Variants in NEDD9 observed in about 807,000 individuals in gnomAD.
NEDD9 encodes the protein neural precursor cell expressed, developmentally down-regulated 9, also known as enhancer of filamentation 1.
A neutral mutation model predicts 76.6 loss-of-function variants in NEDD9; 26 were observed. The observed-to-expected ratio is 0.34, with a 90% CI of 0.25 to 0.47. The LOEUF is 0.47. Ranked by LOEUF, NEDD9 falls within the 20% of genes least tolerant of loss-of-function variation. The pLI, the probability that NEDD9 is intolerant of heterozygous loss-of-function variation, is 1.00. For synonymous variants in NEDD9, 392 were observed against 414.2 expected (o/e 0.95, Z 0.65); for missense variants, 937 against 1,058.5 (o/e 0.89, Z 1.59).
At chr6:11,296,679 C>CCCTTCCCTT (rs1760900822) in intron 3 of NEDD9, among the ~76,000 whole-genome samples, 1 of 92,856 alleles carries the variant, frequency 1.1e-5, no homozygotes, top group African/African-American at 4.9e-5. Context: ...CCTTTCCTTT[C>CCCTTCCCTT]CCTTCCTTCC....
rs1759708100 is a variant in NEDD9, at chr6:11,241,596, T to C, written c.13-27869A>G. ...CATCTTCCACACCAGCCATCCAGCA[T>C]AGCTCCGGGGGCGGAGGTAGGGACA... On this transcript the variant is annotated intron_variant, in intron 3 of 3. Transcript: ENST00000397378. The surrounding 1 kb of genome is among the most constrained non-coding windows in gnomAD (Gnocchi z 4.0). Among the ~76,000 whole-genome samples the C allele has an allele frequency of 1.3e-5, 2 of 152,154 alleles. No homozygotes were observed. The highest frequency in any genetic ancestry group is 6.5e-5 in the Admixed American group (1 of 15,272).
At chr6:11,355,968 A>G (rs201461284) in intron 1 of NEDD9, among the ~76,000 whole-genome samples, 2,506 of 151,968 alleles carry the variant, frequency 0.016, 60 homozygotes, top group East Asian at 0.059. Context: ...TGATCTGCCC[A>G]CCTTGGCCTC....
chr6:11,350,798 C>T (rs562871712), intron 1 of NEDD9, among the ~76,000 whole-genome samples: 21 of 152,032 alleles, frequency 1.4e-4, no homozygotes, highest in African/African-American at 1.9e-4. Flanking sequence ...AGCAAGTGGT[C>T]GGGATGCCCT....
chr6:11,251,405 A>G (rs1050153190), intron 3 of NEDD9: 22 of 152,256 alleles, frequency 1.4e-4, no homozygotes, highest in African/African-American at 4.8e-4. Flanking sequence ...GCATAAATCC[A>G]TACTGCAGAG....
At chr6:11,291,025 G>A in intron 3 of NEDD9, among the ~76,000 whole-genome samples, 1 of 152,092 alleles carries the variant, frequency 6.6e-6, no homozygotes, top group East Asian at 1.9e-4. Flanking sequence ...CATGCTGGAA[G>A]TGAAAGGCCC....
intron 1 of NEDD9, among the ~76,000 whole-genome samples, chr6:11,338,586 C>T (rs1762210868): frequency 1.3e-5 from 2 of 152,066 alleles, no homozygotes; most frequent in Non-Finnish European, 2.9e-5. Context: ...GATTCTGGAG[C>T]CCTTTGCAAA....
At chr6:11,363,574 G>T (rs1762714323) in intron 1 of NEDD9, among the ~76,000 whole-genome samples, 1 of 152,148 alleles carries the variant, frequency 6.6e-6, no homozygotes, top group South Asian at 2.1e-4. Context: ...ACCTAATGGT[G>T]CTTATAGCTC....
At chr6:11,355,218 A>G (rs116765119) in intron 1 of NEDD9, among the ~76,000 whole-genome samples, 1,969 of 152,330 alleles carry the variant, frequency 0.013, 46 homozygotes, top group African/African-American at 0.045. Context: ...AATACTTACA[A>G]GTATTTCAAA....
At chr6:11,353,950 C>T (rs565484684) in intron 1 of NEDD9, among the ~76,000 whole-genome samples, 8 of 152,264 alleles carry the variant, frequency 5.3e-5, no homozygotes, top group South Asian at 2.1e-4. Flanking sequence ...CATAATTCAA[C>T]GGTCTTGGGG....
intron 3 of NEDD9, among the ~76,000 whole-genome samples, chr6:11,298,684 A>T (rs1408978806): frequency 6.6e-6 from 1 of 152,218 alleles, no homozygotes; most frequent in Admixed American, 6.5e-5. Flanking sequence ...ATTGGTATTT[A>T]TATTGAATGG....
In NEDD9 at chr6:11,359,129, G is replaced by A. The variant is rs774323631; in HGVS notation, c.-214+23010C>T. Among the ~76,000 whole-genome samples, 29 of 152,214 alleles carry A rather than the reference G, an allele frequency of 1.9e-4. 2 individuals are homozygous for A. Among genetic ancestry groups the A allele is most frequent in the Admixed American group, 6.5e-5 (1 of 15,282 alleles). ...TTCTGTTCTCCAGGTGGAGTAGCAAGCTGGCAAGTCCCCCAGAAAGGAAAG... is the reference window on the plus strand; with the variant it reads ...TTCTGTTCTCCAGGTGGAGTAGCAAACTGGCAAGTCCCCCAGAAAGGAAAG... On this transcript the variant is annotated intron_variant, in intron 1 of 3. Coordinates refer to the NEDD9 transcript ENST00000397378.
chr6:11,278,054 G>T (rs1469876199), intron 3 of NEDD9, among the ~76,000 whole-genome samples: 3 of 152,064 alleles, frequency 2.0e-5, no homozygotes, highest in African/African-American at 7.2e-5. Context: ...ATGGGAGTCG[G>T]GTGCTTCCTC....
intron 3 of NEDD9, among the ~76,000 whole-genome samples, chr6:11,280,791 G>A (rs1760520981): frequency 6.6e-6 from 1 of 152,232 alleles, no homozygotes; most frequent in Non-Finnish European, 1.5e-5. Flanking sequence ...CACTAGCCCT[G>A]GCCACTGCAT....
intron 2 of NEDD9, among the ~76,000 whole-genome samples, chr6:11,206,141 G>C (rs369214793): frequency 6.6e-6 from 1 of 152,104 alleles, no homozygotes; most frequent in Non-Finnish European, 1.5e-5. Context: ...CAACCAGGCC[G>C]GGCGTGATGG....
chr6:11,240,655 C>A (rs1053674996), intron 3 of NEDD9, among the ~76,000 whole-genome samples: 2 of 151,880 alleles, frequency 1.3e-5, no homozygotes, highest in Non-Finnish European at 2.9e-5. Context: ...ACCTTTTTTT[C>A]TTCAAAGAAT....
At chr6:11,303,885 G>A (rs1035741079) in intron 3 of NEDD9, among the ~76,000 whole-genome samples, 4 of 152,160 alleles carry the variant, frequency 2.6e-5, no homozygotes, top group Admixed American at 2.6e-4. Flanking sequence ...TACCATTCAG[G>A]ACATAGACAT....
At chr6:11,266,483 C>G (rs1055181068) in intron 3 of NEDD9, among the ~76,000 whole-genome samples, 2 of 152,232 alleles carry the variant, frequency 1.3e-5, no homozygotes, top group South Asian at 2.1e-4. Context: ...GAAAAAGAAG[C>G]CATTATATAC....
chr6:11,195,352 C>G (rs759655763), intron 2 of NEDD9, among the ~76,000 whole-genome samples: 1 of 152,176 alleles, frequency 6.6e-6, no homozygotes, highest in Non-Finnish European at 1.5e-5. Flanking sequence ...TACGGAACCA[C>G]TTTATAGAAT....
chr6:11,308,361 CTTTTTT>C (rs933892327), intron 2 of NEDD9, among the ~76,000 whole-genome samples: 53 of 87,854 alleles, frequency 6.0e-4, no homozygotes, highest in Admixed American at 9.2e-4. Flanking sequence ...GATGGGACAT[CTTTTTT>C]TTTTTTTTTT....
Sources: allele counts gnomAD v4.1 joint callset (sites outside exome capture counted in the v4.1 genomes callset), GRCh38; gene constraint gnomAD v4.1.1; non-coding constraint Gnocchi (gnomAD v3.1); transcripts MANE v1.5; gene names NCBI Gene and HGNC (gene_info 2026-07-23, HGNC 2026-07-21).